ACAD11: variants seen among roughly 807,000 people sequenced by gnomAD.
ACAD11 encodes acyl-CoA dehydrogenase family member 11.
ACAD11 carries 83 observed loss-of-function variants against 102.2 expected under a neutral mutation model. The ratio of observed to expected loss-of-function variants is 0.81; its 90% confidence interval spans 0.68 to 0.97. The LOEUF (loss-of-function observed/expected upper bound fraction) is 0.97. ACAD11 is among the 50% of genes least tolerant of loss of function. The pLI is 0.00. For missense variants in ACAD11, 901 were observed against 951.7 expected, an observed-to-expected ratio of 0.95 and a Z score of 0.70; for synonymous variants, 324 against 319.8, an observed-to-expected ratio of 1.01 and a Z score of -0.14.
chr3:132,584,822 C>A (rs538668702), intron 13 of ACAD11, among the ~76,000 whole-genome samples: 4 of 152,216 alleles, frequency 2.6e-5, no homozygotes, highest in Middle Eastern at 3.4e-3. Context: ...GAACTACAAA[C>A]CACTGCTCAA....
rs373467780 is a variant in ACAD11, at chr3:132,559,054, C to A, written c.2260G>T (p.Asp754Tyr). The A allele has an allele frequency of 6.2e-7, 1 of 1,613,764 alleles. No individual in the cohort carries two copies. Among genetic ancestry groups the A allele is most frequent in the Non-Finnish European group, 8.5e-7 (1 of 1,179,774 alleles). ...YAITRVLRLA[D>Y]GPDEVHLSAI... is the part of the protein sequence containing the mutation. ...GAAAGATGAACTTCGTCAGGTCCAT[C>A]TGCTAAACGCAAAACTCGGGTTATA... is the stretch of plus-strand genomic sequence containing the variant. Residue 754 changes from aspartate (D) to tyrosine (Y), a missense_variant, in exon 20 of 20, where the codon GAT becomes TAT. By Grantham distance (160) the Asp-to-Tyr change is radical. Coordinates refer to ENST00000264990, the MANE Select transcript of ACAD11 (RefSeq NM_032169.5).
chr3:132,580,964 G>C (rs1044051147), intron 13 of ACAD11, among the ~76,000 whole-genome samples: 2 of 151,880 alleles, frequency 1.3e-5, no homozygotes, highest in African/African-American at 2.4e-5. Context: ...AGAGAAAACA[G>C]AGAAAAACAG....
chr3:132,586,817 G>A (rs1937855784), intron 13 of ACAD11, among the ~76,000 whole-genome samples: 1 of 152,220 alleles, frequency 6.6e-6, no homozygotes, highest in Non-Finnish European at 1.5e-5. Flanking sequence ...AATAGGCTGG[G>A]CACAGTGGCT....
intron 13 of ACAD11, among the ~76,000 whole-genome samples, chr3:132,582,622 A>G (rs1937620722): frequency 6.6e-6 from 1 of 151,222 alleles, no homozygotes; most frequent in Non-Finnish European, 1.5e-5. Flanking sequence ...CCCCACTTCT[A>G]TGTAATACAT....
At chr3:132,588,629 A>G (rs1342036596) in intron 13 of ACAD11, among the ~76,000 whole-genome samples, 2 of 152,222 alleles carry the variant, frequency 1.3e-5, no homozygotes, top group East Asian at 3.9e-4. Context: ...AACGGCTTTA[A>G]AACTGTTGCT....
chr3:132,600,840 C>T (rs762386214), intron 13 of ACAD11: 2 of 1,613,914 alleles, frequency 1.2e-6, no homozygotes, highest in African/African-American at 1.3e-5. Flanking sequence ...CCCAGCCAAT[C>T]AGGAGTGGGA....
chr3:132,642,065 G>A lies in ACAD11; in HGVS notation c.444C>T (p.Ala148=), dbSNP rs759099169. ...GTAACTGAGCCAATGTTTCTACCGTGGCCACATATATGGCTGAACGTTCTG... is the reference window on the plus strand; with the variant it reads ...GTAACTGAGCCAATGTTTCTACCGTAGCCACATATATGGCTGAACGTTCTG... The part of the protein sequence containing the change: ...SPAERSAIYV[A]TVETLAQLHS... Residue 148 remains alanine (A), a synonymous_variant, in exon 4 of 20, where the codon GCC becomes GCT. Coordinates refer to ENST00000264990, the MANE Select transcript of ACAD11 (RefSeq NM_032169.5). The A allele has an allele frequency of 1.9e-6, 3 of 1,613,908 alleles. No individual in the cohort carries two copies. The East Asian group carries it at 6.7e-5, about 36-fold the overall frequency.
intron 4 of ACAD11, among the ~76,000 whole-genome samples, chr3:132,641,617 G>GGAGGAAGAAGAGGAGGAAGAA (rs1576616217): frequency 7.8e-6 from 1 of 127,790 alleles, no homozygotes; most frequent in Non-Finnish European, 1.7e-5. Context: ...AGGAAGAAGA[G>GGAGGAAGAAGAGGAGGAAGAA]GAGGAAGAAG....
chr3:132,608,937 A>T (rs1938986112), intron 11 of ACAD11, among the ~76,000 whole-genome samples: 1 of 152,040 alleles, frequency 6.6e-6, no homozygotes, highest in Admixed American at 6.6e-5. Context: ...TCATAACAAA[A>T]AGACTCTCAG....
intron 19 of ACAD11, 67 bp from the exon 20 acceptor site, chr3:132,559,152 G>A: frequency 9.2e-7 from 1 of 1,084,338 alleles, no homozygotes; most frequent in Non-Finnish European, 1.4e-6. Context: ...TTTGACATCA[G>A]TCACTCTGAT....
In ACAD11 at chr3:132,600,323, A is replaced by C. The variant is rs981858059; in HGVS notation, c.1621+2906T>G. ...TCTAGGGAAAGAACAAAACAGCTTGATAAAAACTGTTTCCTTTTAAGCATA... is the reference window on the plus strand; with the variant it reads ...TCTAGGGAAAGAACAAAACAGCTTGCTAAAAACTGTTTCCTTTTAAGCATA... On this transcript the variant is annotated intron_variant, in intron 13 of 19. Transcript: ENST00000264990. 28 of 1,343,646 alleles carry C rather than the reference A, an allele frequency of 2.1e-5. No individual in the cohort carries two copies. The East Asian group carries it at 6.8e-4, about 33-fold the overall frequency. 83.2% of individuals were successfully genotyped at this position (1,343,646 alleles called of 1,614,324 possible).
chr3:132,628,149 G>A (rs1042524397), intron 8 of ACAD11, among the ~76,000 whole-genome samples, 191 bp downstream of exon 8: 5 of 152,042 alleles, frequency 3.3e-5, no homozygotes, highest in Admixed American at 6.5e-5. Flanking sequence ...ACCTAAATAC[G>A]GAGATTTTCT....
rs149955663 is a variant in ACAD11 at position 132,562,512 on chromosome 3, G to A, written c.2002-1295C>T. On this transcript the variant is annotated intron_variant, in intron 17 of 19. Coordinates refer to ENST00000264990, the MANE Select transcript of ACAD11 (RefSeq NM_032169.5). ...TGGGTCAGTGGTAAATGTTTATTAA[G>A]AAGCTGACAGTTTTCTAGAGTGGTT... is the stretch of plus-strand genomic sequence containing the variant. Among the ~76,000 whole-genome samples, 73 of 152,300 alleles carry A rather than the reference G, an allele frequency of 4.8e-4. 1 individual carries two copies. The highest frequency in any genetic ancestry group is 1.6e-3 in the African/African-American group (67 of 41,554).
At chr3:132,610,930 T>G (rs1458213836) in intron 11 of ACAD11, among the ~76,000 whole-genome samples, 2 of 152,100 alleles carry the variant, frequency 1.3e-5, no homozygotes, top group Non-Finnish European at 2.9e-5. Context: ...AAAAAGAGAA[T>G]TTTAGACCAA....
intron 9 of ACAD11, among the ~76,000 whole-genome samples, chr3:132,625,115 C>A (rs1014288267): frequency 6.6e-6 from 1 of 152,168 alleles, no homozygotes. Flanking sequence ...ATCTTGATTT[C>A]TTTTCCTCTT....
At chr3:132,586,977 C>T (rs1049779966) in intron 13 of ACAD11, among the ~76,000 whole-genome samples, 3 of 152,080 alleles carry the variant, frequency 2.0e-5, no homozygotes, top group Admixed American at 2.0e-4. Flanking sequence ...GCCTGTAATC[C>T]CAGCTACTTG....
chr3:132,619,501 C>G lies in ACAD11; in HGVS notation c.1242G>C (p.Lys414Asn), dbSNP rs750283800. The change falls in exon 10 of 20, where the codon AAG (lysine) becomes AAC (asparagine). Residue 414 changes from lysine (K) to asparagine (N), a missense_variant. Lys to Asn is a moderately conservative substitution (Grantham distance 94, BLOSUM62 0). Transcript: ENST00000264990. ...TATCAATCACTAAAGGTTTTCCCCA[C>G]TTGTCCACTGAATTTTCATTTTGAA... ...FYVQNENSVD[K>N]WGKPLVIDKL... 8.8e-6 allele frequency: 14 copies of G among 1,593,872 alleles called. No individual in the cohort carries two copies. Among genetic ancestry groups the G allele is most frequent in the Non-Finnish European group, 8.5e-6 (10 of 1,172,358 alleles).
Position 132,639,658 on chromosome 3 carries a change from T to TA in ACAD11, c.538-3dup, listed in dbSNP as rs1484591553. On this transcript the variant is annotated splice_polypyrimidine_tract_variant and splice_region_variant and intron_variant, in intron 4 of 19. Coordinates refer to ENST00000264990, the MANE Select transcript of ACAD11 (RefSeq NM_032169.5). ...ATATTGCTTTGTCCAGGTTGATACC[T>TA]AAAGACATATAAATAAGAAAAATGG... is the stretch of plus-strand genomic sequence containing the variant. 6.2e-7 allele frequency: 1 copy of TA among 1,603,714 alleles called. No homozygotes were observed. The highest frequency in any genetic ancestry group is 8.5e-7 in the Non-Finnish European group (1 of 1,176,944).
At position 132,595,679 on chromosome 3, in the gene ACAD11, C is replaced by A. The variant is rs557744265; in HGVS notation, c.1621+7550G>T. ...CAAAAGAAGACATACATACCGCCAA[C>A]AATCATATGAAAAAAAGCTAAACAT... is the stretch of plus-strand genomic sequence containing the variant. On this transcript the variant is annotated intron_variant, in intron 13 of 19. Coordinates refer to ENST00000264990, the MANE Select transcript of ACAD11 (RefSeq NM_032169.5). 1.4e-4 allele frequency among the ~76,000 whole-genome samples: 21 copies of A among 152,144 alleles called. No homozygotes were observed. The South Asian group carries it at 4.4e-3, about 32-fold the overall frequency.
Sources: gnomAD v4.1 joint callset for allele counts (sites outside exome capture counted in the v4.1 genomes callset) on GRCh38, gnomAD v4.1.1 for gene constraint, MANE v1.5 for transcripts, NCBI Gene and HGNC (gene_info 2026-07-23, HGNC 2026-07-21) for gene names.